TMEM135: variants seen among roughly 807,000 people sequenced by gnomAD.
The protein encoded by TMEM135 is transmembrane protein 135, also known as peroxisomal membrane protein 52.
A neutral mutation model predicts 60.3 loss-of-function variants in TMEM135; 30 were observed. The observed-to-expected ratio is 0.50, with a 90% CI of 0.37 to 0.68. The LOEUF is 0.68. Ranked by LOEUF, TMEM135 falls within the 30% of genes least tolerant of loss-of-function variation. The pLI is 0.00. For missense variants in TMEM135, 468 were observed against 548.8 expected (o/e 0.85, Z 1.47); for synonymous variants, 190 against 186.7 (o/e 1.02, Z -0.14).
intron 5 of TMEM135, among the ~76,000 whole-genome samples, chr11:87,174,972 A>C (rs1295853134): frequency 1.3e-5 from 2 of 152,126 alleles, no homozygotes; most frequent in African/African-American, 2.4e-5. Context: ...AACTGAAGCC[A>C]CTGGTCATCA....
intron 5 of TMEM135, among the ~76,000 whole-genome samples, chr11:87,219,636 T>C (rs1431075185): frequency 2.6e-5 from 4 of 152,146 alleles, no homozygotes; most frequent in Admixed American, 2.6e-4. Context: ...TTAACCTGAG[T>C]TACTTTCCTA....
At chr11:87,314,288 T>G (rs1337444451) in intron 11 of TMEM135, among the ~76,000 whole-genome samples, 183 bp from the exon 12 acceptor site, 1 of 151,908 alleles carries the variant, frequency 6.6e-6, no homozygotes, top group Non-Finnish European at 1.5e-5. Context: ...ATCAATTTTT[T>G]AAATTTAAAA....
chr11:87,089,538 G>C (rs890975494), intron 3 of TMEM135, among the ~76,000 whole-genome samples: 2 of 151,196 alleles, frequency 1.3e-5, no homozygotes, highest in Non-Finnish European at 2.9e-5. Context: ...ATGAGATCCT[G>C]TCTCAAAAAG....
chr11:87,277,231 A>G, intron 6 of TMEM135: 1 of 365,772 alleles, frequency 2.7e-6, no homozygotes, highest in Non-Finnish European at 5.6e-6. Context: ...TCCCGGGTTC[A>G]AGCGATTCTT....
chr11:87,309,569 T>G lies in TMEM135; in HGVS notation c.833T>G (p.Phe278Cys). ...TGCTGCCTCCGAATCCCTTCTGCAT[T>G]TAGGCATCTGTTTACACAGCCATCT... Reference protein sequence around the residue: ...IQCCLRIPSAFRHLFTQPSRL... With the variant: ...IQCCLRIPSACRHLFTQPSRL... The change falls in exon 10 of 15, where the codon TTT becomes TGT. Residue 278 changes from phenylalanine (F) to cysteine (C), a missense_variant. Transcript: ENST00000305494. 1 of 1,613,906 alleles carries G rather than the reference T, an allele frequency of 6.2e-7. No individual in the cohort carries two copies. Among genetic ancestry groups the G allele is most frequent in the South Asian group, 1.1e-5 (1 of 91,070 alleles).
At chr11:87,301,266 T>C (rs1942443225) in intron 7 of TMEM135, among the ~76,000 whole-genome samples, 1 of 152,166 alleles carries the variant, frequency 6.6e-6, no homozygotes, top group Non-Finnish European at 1.5e-5. Flanking sequence ...ATTTTTTTTT[T>C]TTAAAGAGAC....
chr11:87,060,499 A>G (rs1361817042), intron 1 of TMEM135, among the ~76,000 whole-genome samples: 3 of 152,234 alleles, frequency 2.0e-5, no homozygotes, highest in East Asian at 3.8e-4. Context: ...TGCAGTATGG[A>G]TAAGTGATAA....
chr11:87,148,302 T>G (rs1436990629), intron 4 of TMEM135, among the ~76,000 whole-genome samples: 1 of 152,110 alleles, frequency 6.6e-6, no homozygotes, highest in Non-Finnish European at 1.5e-5. Context: ...TTAGCAGAGG[T>G]CAAAAGAAAG....
intron 1 of TMEM135, among the ~76,000 whole-genome samples, chr11:87,066,010 G>C (rs181924127): frequency 6.6e-6 from 1 of 152,170 alleles, no homozygotes; most frequent in African/African-American, 2.4e-5. Context: ...TTTTGCCTGT[G>C]TATGAGAGTT....
intron 4 of TMEM135, among the ~76,000 whole-genome samples, chr11:87,143,086 C>T (rs1174450952): frequency 6.6e-6 from 1 of 152,016 alleles, no homozygotes; most frequent in Non-Finnish European, 1.5e-5. Context: ...TCTGCCATCT[C>T]AACTATTCTG....
At chr11:87,227,670 C>T (rs1940794147) in intron 5 of TMEM135, among the ~76,000 whole-genome samples, 1 of 151,992 alleles carries the variant, frequency 6.6e-6, no homozygotes, top group Non-Finnish European at 1.5e-5. Flanking sequence ...CTTAAAATTA[C>T]ATATAAGACA....
At chr11:87,162,328 C>T (rs530236565) in intron 5 of TMEM135, among the ~76,000 whole-genome samples, 4 of 151,976 alleles carry the variant, frequency 2.6e-5, no homozygotes, top group South Asian at 2.1e-4. Flanking sequence ...CCCATCAACC[C>T]GTCATCTACA....
At chr11:87,081,214 G>A (rs753621038) in intron 3 of TMEM135, among the ~76,000 whole-genome samples, 1 of 151,680 alleles carries the variant, frequency 6.6e-6, no homozygotes, top group Non-Finnish European at 1.5e-5. Context: ...TTATTTATTG[G>A]TATGGCTAGG....
At chr11:87,255,465 C>G (rs1941507616) in intron 6 of TMEM135, among the ~76,000 whole-genome samples, 1 of 152,152 alleles carries the variant, frequency 6.6e-6, no homozygotes, top group Admixed American at 6.5e-5. Flanking sequence ...AATAAAGCCA[C>G]AGGTGACTCT....
At chr11:87,236,911 A>T (rs1941010603) in intron 6 of TMEM135, among the ~76,000 whole-genome samples, 1 of 151,786 alleles carries the variant, frequency 6.6e-6, no homozygotes, top group Admixed American at 6.6e-5. Flanking sequence ...CATTCTATTT[A>T]TAAGTTCATC....
intron 5 of TMEM135, among the ~76,000 whole-genome samples, chr11:87,171,009 C>G (rs1316642545): frequency 6.6e-6 from 1 of 152,074 alleles, no homozygotes; most frequent in Non-Finnish European, 1.5e-5. Flanking sequence ...GGGGGTACAT[C>G]TTCAAACTGA....
chr11:87,163,987 A>C (rs1044170679), intron 5 of TMEM135, among the ~76,000 whole-genome samples: 1 of 147,790 alleles, frequency 6.8e-6, no homozygotes, highest in Non-Finnish European at 1.5e-5. Flanking sequence ...ATTTTGTAGG[A>C]TGCCTGTTCA....
intron 5 of TMEM135, among the ~76,000 whole-genome samples, chr11:87,162,984 T>A (rs535878886): frequency 6.6e-6 from 1 of 152,190 alleles, no homozygotes; most frequent in East Asian, 1.9e-4. Context: ...ATGATGAGCT[T>A]TTTTTCATGT....
At chr11:87,227,284 A>G (rs1304278413) in intron 5 of TMEM135, among the ~76,000 whole-genome samples, 3 of 152,050 alleles carry the variant, frequency 2.0e-5, no homozygotes, top group African/African-American at 7.2e-5. Context: ...AAATTGACTT[A>G]TGGAATGATA....
Sources: gnomAD v4.1 joint callset for allele counts (sites outside exome capture counted in the v4.1 genomes callset) on GRCh38, gnomAD v4.1.1 for gene constraint, MANE v1.5 for transcripts, NCBI Gene and HGNC (gene_info 2026-07-23, HGNC 2026-07-21) for gene names.